Variants in RBFOX1 observed in about 807,000 individuals in gnomAD.
The protein encoded by RBFOX1 is RNA binding fox-1 homolog 1, also known as RNA binding protein fox-1 homolog 1.
In RBFOX1, 8 loss-of-function variants were observed where a neutral mutation model predicts 57.7. The ratio of observed to expected loss-of-function variants is 0.14; its 90% CI spans 0.08 to 0.25. The LOEUF (loss-of-function observed/expected upper bound fraction) is 0.25, where lower values mean the gene tolerates loss of function less well. RBFOX1 is among the 10% of genes least tolerant of loss of function. The pLI, the probability that RBFOX1 is intolerant of heterozygous loss-of-function variation, is 1.00. For missense variants in RBFOX1, 611 were observed against 548.5 expected, an observed-to-expected ratio of 1.11 and a Z score of -1.14; for synonymous variants, 326 against 222.4, an observed-to-expected ratio of 1.47 and a Z score of -4.15.
chr16:7,288,768 G>A (rs1018231279), intron 4 of RBFOX1, among the ~76,000 whole-genome samples: 2 of 152,206 alleles, frequency 1.3e-5, no homozygotes, highest in Admixed American at 6.5e-5. Flanking sequence ...TTGAACCCAG[G>A]GGATGGAGGT....
chr16:6,221,896 G>C (rs1170838712), intron 1 of RBFOX1, among the ~76,000 whole-genome samples: 1 of 152,184 alleles, frequency 6.6e-6, no homozygotes, highest in Non-Finnish European at 1.5e-5. Flanking sequence ...AATTATTCAA[G>C]ATGAAATTTG....
At chr16:6,553,144 G>C (rs1035763594) in intron 2 of RBFOX1, among the ~76,000 whole-genome samples, 4 of 152,160 alleles carry the variant, frequency 2.6e-5, no homozygotes, top group African/African-American at 9.7e-5. Flanking sequence ...ATGGAAGTCA[G>C]TTCTGTTAAA....
chr16:5,392,955 A>G (rs1351216563), intron 1 of RBFOX1, among the ~76,000 whole-genome samples: 2 of 152,010 alleles, frequency 1.3e-5, no homozygotes, highest in Non-Finnish European at 2.9e-5. Flanking sequence ...CATTCCACAT[A>G]TCTTTATGGA....
At chr16:6,761,508 T>TTTTTTTTTTTG (rs2076594094) in intron 3 of RBFOX1, among the ~76,000 whole-genome samples, 1 of 114,090 alleles carries the variant, frequency 8.8e-6, no homozygotes, top group Admixed American at 9.2e-5. Flanking sequence ...TCCTTTTTTT[T>TTTTTTTTTTTG]TTTTTTTTTT....
At chr16:6,755,674 T>G (rs1228172513) in intron 3 of RBFOX1, among the ~76,000 whole-genome samples, 2 of 152,200 alleles carry the variant, frequency 1.3e-5, no homozygotes, top group African/African-American at 4.8e-5. Flanking sequence ...TTAATCACTT[T>G]GCTATAAATA....
chr16:6,447,982 C>A (rs1205173141), intron 2 of RBFOX1, among the ~76,000 whole-genome samples: 1 of 151,590 alleles, frequency 6.6e-6, no homozygotes, highest in African/African-American at 2.4e-5. Flanking sequence ...ACAAGAGTCT[C>A]TCTCTCTCTC....
intron 4 of RBFOX1, among the ~76,000 whole-genome samples, chr16:7,283,450 C>T (rs947869499): frequency 6.6e-6 from 1 of 152,006 alleles, no homozygotes; most frequent in Non-Finnish European, 1.5e-5. Flanking sequence ...GATGGTGCCT[C>T]TTCCGTGGTG....
chr16:5,673,451 C>G (rs28655234), intron 3 of RBFOX1, among the ~76,000 whole-genome samples: 22,102 of 152,184 alleles, frequency 0.15, 1,797 homozygotes, highest in East Asian at 0.32. Flanking sequence ...TTTCCTTCCT[C>G]TCTCTGGCTT....
chr16:6,406,283 C>A (rs558438680), intron 2 of RBFOX1, among the ~76,000 whole-genome samples: 6 of 152,150 alleles, frequency 3.9e-5, no homozygotes, highest in Non-Finnish European at 7.4e-5. Flanking sequence ...ATCTGGGACT[C>A]ATGAACTTCC....
At chr16:5,977,996 C>A (rs879560843) in intron 4 of RBFOX1, among the ~76,000 whole-genome samples, 1 of 151,800 alleles carries the variant, frequency 6.6e-6, no homozygotes, top group African/African-American at 2.4e-5. Context: ...CTTCCTCTTT[C>A]TCATATGTGA....
Position 7,561,127 on chromosome 16 carries a change from G to A in RBFOX1, c.271-18650G>A, listed in dbSNP as rs527446549. 1.2e-4 allele frequency among the ~76,000 whole-genome samples: 18 copies of A among 152,304 alleles called. 1 individual carries two copies. The highest frequency in any genetic ancestry group is 1.7e-4 in the African/African-American group (7 of 41,558). ...AATGGTAGCTGAGTTGAACAGTGTA[G>A]ACACAGAGTATTTGTCCCTCTAAGA... On this transcript the variant is annotated intron_variant, in intron 5 of 15. Coordinates refer to ENST00000550418, the MANE Select transcript of RBFOX1 (RefSeq NM_018723.4).
At chr16:7,412,015 T>C (rs1414646848) in intron 4 of RBFOX1, among the ~76,000 whole-genome samples, 1 of 151,808 alleles carries the variant, frequency 6.6e-6, no homozygotes, top group African/African-American at 2.4e-5. Flanking sequence ...GATGGGATCC[T>C]GGAGCCGAAA....
chr16:7,209,850 C>G (rs934152915), intron 4 of RBFOX1, among the ~76,000 whole-genome samples: 5 of 152,098 alleles, frequency 3.3e-5, no homozygotes, highest in African/African-American at 9.7e-5. Context: ...TCCAGGGAAG[C>G]TGAAGTGGCA....
intron 3 of RBFOX1, among the ~76,000 whole-genome samples, chr16:5,658,054 C>T (rs987899543): frequency 1.3e-5 from 2 of 152,082 alleles, no homozygotes; most frequent in South Asian, 4.1e-4. Context: ...TTCTTGATAC[C>T]ATTTCGTGAT....
At chr16:6,841,893 C>A (rs897763881) in intron 3 of RBFOX1, among the ~76,000 whole-genome samples, 1 of 151,742 alleles carries the variant, frequency 6.6e-6, no homozygotes, top group Non-Finnish European at 1.5e-5. Context: ...AATCCTAGCA[C>A]TTTGGGAGGT....
At chr16:7,182,523 G>A (rs943612853) in intron 4 of RBFOX1, among the ~76,000 whole-genome samples, 3 of 152,150 alleles carry the variant, frequency 2.0e-5, no homozygotes, top group Non-Finnish European at 4.4e-5. Flanking sequence ...GTGAACTGTT[G>A]TTATAGAAAT....
intron 3 of RBFOX1, among the ~76,000 whole-genome samples, chr16:5,837,898 G>C (rs1033921270): frequency 6.6e-5 from 10 of 152,114 alleles, no homozygotes; most frequent in African/African-American, 2.4e-4. Context: ...AGAGGACCCC[G>C]TGGGAGGTAG....
intron 3 of RBFOX1, among the ~76,000 whole-genome samples, chr16:7,035,790 C>G (rs1006772349): frequency 2.0e-5 from 3 of 151,964 alleles, no homozygotes; most frequent in Non-Finnish European, 4.4e-5. Flanking sequence ...AGTTAGGATT[C>G]CTTAAGTTGG....
intron 4 of RBFOX1, among the ~76,000 whole-genome samples, chr16:7,432,339 C>G (rs1383344911): frequency 6.6e-6 from 1 of 152,192 alleles, no homozygotes; most frequent in Non-Finnish European, 1.5e-5. Flanking sequence ...GAAGGGTAAT[C>G]TGCTACCCCA....
Sources: gnomAD v4.1 joint callset for allele counts (sites outside exome capture counted in the v4.1 genomes callset) on GRCh38, gnomAD v4.1.1 for gene constraint, MANE v1.5 for transcripts, NCBI Gene and HGNC (gene_info 2026-07-23, HGNC 2026-07-21) for gene names.